Variants in ERC2 observed in about 807,000 individuals in gnomAD.
ERC2 encodes ERC protein 2.
ERC2 carries 42 observed loss-of-function variants against 114.8 expected under a neutral mutation model. The observed-to-expected ratio is 0.37, with a 90% CI of 0.29 to 0.47. The LOEUF is 0.47. Among genes scored for constraint, ERC2 ranks in the 20% least tolerant of loss-of-function variants. ERC2 has a pLI of 0.99. For synonymous variants in ERC2, 454 were observed against 425.5 expected, an observed-to-expected ratio of 1.07 and a Z score of -0.82; for missense variants, 939 against 1,150.7, an observed-to-expected ratio of 0.82 and a Z score of 2.66.
chr3:55,564,175 T>A (rs1575595783), intron 17 of ERC2, among the ~76,000 whole-genome samples: 1 of 152,314 alleles, frequency 6.6e-6, no homozygotes, highest in East Asian at 1.9e-4. Context: ...GGTGGATGTC[T>A]GCCTGATGTT....
At chr3:55,531,537 G>C (rs752796970) in intron 17 of ERC2, among the ~76,000 whole-genome samples, 14 of 152,188 alleles carry the variant, frequency 9.2e-5, no homozygotes, top group Non-Finnish European at 1.8e-4. Flanking sequence ...CCTGCTAGCA[G>C]AATGTCAGAG....
intron 14 of ERC2, among the ~76,000 whole-genome samples, chr3:55,876,150 C>T (rs565343477): frequency 1.4e-4 from 21 of 152,196 alleles, no homozygotes; most frequent in Non-Finnish European, 2.8e-4. Context: ...CCCTTAAAAT[C>T]CTCTGAGTCT....
rs1223986987 is a variant in ERC2 at position 55,510,972 on chromosome 3, T to A, written c.*344A>T. On this transcript the variant is annotated 3_prime_UTR_variant, in exon 18 of 18. Transcript: ENST00000288221. Reference sequence around the variant, plus strand: ...ACATAAACAAAATGTTATCAAATAATGACATTCAGCAAAGATGATCACATT... The same window carrying A: ...ACATAAACAAAATGTTATCAAATAAAGACATTCAGCAAAGATGATCACATT... 2.0e-5 allele frequency: 3 copies of A among 152,276 alleles called. No homozygotes were observed. The East Asian group carries it at 5.8e-4, about 29-fold the overall frequency. The allele number at this position is 152,276 out of a possible 1,614,324, so 9.4% of individuals were successfully genotyped here.
At chr3:56,304,328 C>A (rs538998146) in intron 2 of ERC2, among the ~76,000 whole-genome samples, 1 of 151,986 alleles carries the variant, frequency 6.6e-6, no homozygotes, top group Non-Finnish European at 1.5e-5. Flanking sequence ...TTTGGGCCAA[C>A]AAATTTTGAA....
chr3:55,599,900 C>A (rs1369794635), intron 17 of ERC2, among the ~76,000 whole-genome samples: 3 of 152,172 alleles, frequency 2.0e-5, no homozygotes, highest in Admixed American at 6.5e-5. Context: ...ACAACATAAC[C>A]TTTGACAAAT....
chr3:55,699,432 G>A lies in ERC2; in HGVS notation c.2793C>T (p.His931=). ...GTTGCGACCTCCCAGGAGATCGATG[G>A]TGGTGGTGATGGTGGTGGTGGTGGT... is the stretch of plus-strand genomic sequence containing the variant. ...HHYHHHHHHH[H]HRSPGRSQHS... Residue 931 remains histidine (H), a synonymous_variant, in exon 16 of 18, where the codon CAC becomes CAT. Coordinates refer to ENST00000288221, the MANE Select transcript of ERC2 (RefSeq NM_015576.3). The A allele has an allele frequency of 1.2e-6, 2 of 1,613,806 alleles. No homozygotes were observed. The highest frequency in any genetic ancestry group is 1.7e-6 in the Non-Finnish European group (2 of 1,179,804).
At chr3:56,229,476 C>T (rs1456059829) in intron 3 of ERC2, among the ~76,000 whole-genome samples, 2 of 152,158 alleles carry the variant, frequency 1.3e-5, no homozygotes, top group East Asian at 1.9e-4. Context: ...AACTAGGACT[C>T]TTTCATACAG....
intron 14 of ERC2, among the ~76,000 whole-genome samples, chr3:55,765,417 G>A (rs925450623): frequency 2.0e-5 from 3 of 152,088 alleles, no homozygotes; most frequent in African/African-American, 7.2e-5. Context: ...GATCCTAAAG[G>A]GTCCCCAAAT....
intron 15 of ERC2, among the ~76,000 whole-genome samples, chr3:55,726,414 C>T (rs1195653214): frequency 2.6e-5 from 4 of 152,190 alleles, no homozygotes; most frequent in African/African-American, 7.2e-5. Flanking sequence ...GAAGCACAAC[C>T]GTGGCTTCTA....
chr3:55,996,439 T>G (rs2071516669), intron 10 of ERC2, among the ~76,000 whole-genome samples: 1 of 152,198 alleles, frequency 6.6e-6, no homozygotes, highest in African/African-American at 2.4e-5. Flanking sequence ...TTCCACTGAT[T>G]AAACAGGTCA....
At chr3:56,401,684 G>A (rs1337366470) in intron 2 of ERC2, among the ~76,000 whole-genome samples, 1 of 152,144 alleles carries the variant, frequency 6.6e-6, no homozygotes, top group East Asian at 1.9e-4. Flanking sequence ...GCTGGGCAAA[G>A]GTGATGCAAA....
chr3:55,594,963 T>G (rs2058063710), intron 17 of ERC2, among the ~76,000 whole-genome samples: 1 of 152,090 alleles, frequency 6.6e-6, no homozygotes, highest in Non-Finnish European at 1.5e-5. Context: ...TTCACCACCA[T>G]AATTCCCACC....
intron 7 of ERC2, among the ~76,000 whole-genome samples, chr3:56,029,185 T>A (rs1350857748): frequency 1.3e-5 from 2 of 152,098 alleles, no homozygotes; most frequent in Non-Finnish European, 2.9e-5. Context: ...AAACATTTTT[T>A]AATTTGATTT....
At chr3:56,276,518 C>T (rs1283930800) in intron 3 of ERC2, among the ~76,000 whole-genome samples, 1 of 144,942 alleles carries the variant, frequency 6.9e-6, no homozygotes, top group South Asian at 2.2e-4. Flanking sequence ...GTCACAGCAC[C>T]AAAAAATTAG....
At chr3:56,344,318 C>T (rs2058220777) in intron 2 of ERC2, among the ~76,000 whole-genome samples, 1 of 151,986 alleles carries the variant, frequency 6.6e-6, no homozygotes, top group African/African-American at 2.4e-5. Context: ...AAACACCTTC[C>T]CTCCTCCTCC....
chr3:56,296,119 T>A lies in ERC2; in HGVS notation c.974A>T (p.Asp325Val), dbSNP rs1214533300. ...TGCCATCCGCCGCGTTCGCTCATTG[T>A]CATCCTCCAGGCTTTTGGATGGCAA... ...KGLPSKSLED[D>V]NERTRRMAEA... Residue 325 changes from aspartate to valine, a missense_variant, in exon 3 of 18, where the codon GAC becomes GTC. Asp to Val is a radical substitution (Grantham distance 152). Around this residue, in one of 5 missense-constraint regions of ERC2, gnomAD observed 148 missense variants for 159.1 expected, o/e 0.93. Coordinates refer to ENST00000288221, the MANE Select transcript of ERC2 (RefSeq NM_015576.3). 6.2e-7 allele frequency: 1 copy of A among 1,614,026 alleles called. No homozygotes were observed. The highest frequency in any genetic ancestry group is 8.5e-7 in the Non-Finnish European group (1 of 1,179,872).
intron 15 of ERC2, among the ~76,000 whole-genome samples, chr3:55,722,111 C>T (rs978915167): frequency 2.6e-5 from 4 of 152,142 alleles, no homozygotes; most frequent in African/African-American, 9.7e-5. Flanking sequence ...TTGCCCAATT[C>T]CATTCCCAGG....
At chr3:56,162,362 G>A (rs1397909961) in intron 4 of ERC2, among the ~76,000 whole-genome samples, 1 of 152,094 alleles carries the variant, frequency 6.6e-6, no homozygotes, top group African/African-American at 2.4e-5. Context: ...GTCTTTGCCA[G>A]GTTTTGGTAT....
chr3:56,027,191 C>A (rs1295124906), intron 7 of ERC2, among the ~76,000 whole-genome samples: 1 of 152,152 alleles, frequency 6.6e-6, no homozygotes, highest in African/African-American at 2.4e-5. Context: ...GCATGGATAT[C>A]CAGGCTTGCT....
Sources: allele counts gnomAD v4.1 joint callset (sites outside exome capture counted in the v4.1 genomes callset), GRCh38; gene constraint gnomAD v4.1.1; regional missense constraint gnomAD v4.1.1; transcripts MANE v1.5; gene names NCBI Gene and HGNC (gene_info 2026-07-23, HGNC 2026-07-21).